ANKRD6: variants seen among roughly 807,000 people sequenced by gnomAD.
ANKRD6 encodes the protein ankyrin repeat domain-containing protein 6.
ANKRD6 carries 56 observed loss-of-function variants against 82.3 expected under a neutral mutation model. That is an observed-to-expected ratio of 0.68 (90% CI 0.55 to 0.85). ANKRD6 has a LOEUF of 0.85. ANKRD6 is among the 40% of genes least tolerant of loss of function. The probability of loss-of-function intolerance (pLI) is 0.00; values close to 1 mark genes in which losing one functional copy is unlikely to be tolerated. For synonymous variants in ANKRD6, 347 were observed against 352.1 expected, an observed-to-expected ratio of 0.99 and a Z score of 0.16; for missense variants, 852 against 907.6, an observed-to-expected ratio of 0.94 and a Z score of 0.79.
chr6:89,514,800 A>T (rs1387797536), intron 1 of ANKRD6, among the ~76,000 whole-genome samples: 1 of 152,230 alleles, frequency 6.6e-6, no homozygotes, highest in East Asian at 1.9e-4. Flanking sequence ...CAGTTATACC[A>T]GTTTACATCC....
rs568039988 is a variant in ANKRD6, at chr6:89,490,656, GC to G, written c.-144+57284del. Among the ~76,000 whole-genome samples, 269 of 152,324 alleles carry G rather than the reference GC, an allele frequency of 1.8e-3. 1 individual carries two copies. Among genetic ancestry groups the G allele is most frequent in the Non-Finnish European group, 3.0e-3 (205 of 68,026 alleles). ...TACCTAATGAGCACCTGCTCCGGAG[GC>G]CCTGCTCTGGAAAAGCAGCAGGCTG... On this transcript the variant is annotated intron_variant, in intron 1 of 15. Coordinates refer to ENST00000339746, the MANE Select transcript of ANKRD6 (RefSeq NM_001242809.2).
chr6:89,594,430 G>A (rs1197321445), intron 2 of ANKRD6, among the ~76,000 whole-genome samples: 1 of 150,854 alleles, frequency 6.6e-6, no homozygotes, highest in Non-Finnish European at 1.5e-5. Flanking sequence ...CTCCAGCCTG[G>A]GCAGCAGAGT....
chr6:89,473,306 G>T (rs1562581206), intron 1 of ANKRD6, among the ~76,000 whole-genome samples: 1 of 151,856 alleles, frequency 6.6e-6, no homozygotes, highest in Non-Finnish European at 1.5e-5. Flanking sequence ...AGCTACTCGG[G>T]AGGCTGAGGC....
At chr6:89,585,593 A>G (rs375414315) in intron 2 of ANKRD6, among the ~76,000 whole-genome samples, 5 of 152,350 alleles carry the variant, frequency 3.3e-5, no homozygotes, top group Admixed American at 1.3e-4. Flanking sequence ...TGGAAACACG[A>G]TTAGAGATGC....
chr6:89,491,071 T>C (rs1777957220), intron 1 of ANKRD6, among the ~76,000 whole-genome samples: 3 of 152,028 alleles, frequency 2.0e-5, no homozygotes, highest in Non-Finnish European at 2.9e-5. Flanking sequence ...AGGAATGTTG[T>C]TGCAGTCATC....
chr6:89,612,282 C>CAG lies in ANKRD6; in HGVS notation c.429_430dup (p.Ala144GlufsTer75). 5 of 1,558,580 alleles carry CAG rather than the reference C, an allele frequency of 3.2e-6. No individual in the cohort carries two copies. The highest frequency in any genetic ancestry group is 4.3e-6 in the Non-Finnish European group (5 of 1,150,746). ...CTGCCTCTCTCCAAGGCGGGGAACACAGCTCTGCACCTGGCCTGCCAGAAC... is the reference window on the plus strand; with the variant it reads ...CTGCCTCTCTCCAAGGCGGGGAACACAGAGCTCTGCACCTGGCCTGCCAGAAC... On this transcript the variant is annotated frameshift_variant, in exon 6 of 16. Coordinates refer to ENST00000339746, the MANE Select transcript of ANKRD6 (RefSeq NM_001242809.2). LOFTEE classifies it high-confidence loss of function.
At chr6:89,584,690 T>C (rs1283125260) in intron 2 of ANKRD6, among the ~76,000 whole-genome samples, 1 of 152,234 alleles carries the variant, frequency 6.6e-6, no homozygotes, top group African/African-American at 2.4e-5. Flanking sequence ...ATTCCAAGTA[T>C]GCAAGACTGG....
In ANKRD6 at chr6:89,462,117, A is replaced by AGCT. The variant is rs558377971; in HGVS notation, c.-144+28743_-144+28745dup. ...CATAGTGGTGCATGCCTGTAATTCC[A>AGCT]GCTACTCAGGGGGCTGAGGCAGGAG... On this transcript the variant is annotated intron_variant, in intron 1 of 15. Transcript: ENST00000339746. Among the ~76,000 whole-genome samples the AGCT allele has an allele frequency of 7.7e-3, 1,177 of 151,978 alleles. 18 individuals carry two copies. The highest frequency in any genetic ancestry group is 0.027 in the African/African-American group (1,101 of 41,460).
intron 2 of ANKRD6, among the ~76,000 whole-genome samples, chr6:89,585,079 A>G (rs539827167): frequency 6.6e-6 from 1 of 152,342 alleles, no homozygotes; most frequent in East Asian, 1.9e-4. Flanking sequence ...AGACACAAAC[A>G]TTTAGTCCAT....
intron 1 of ANKRD6, among the ~76,000 whole-genome samples, chr6:89,531,385 T>TAA (rs1293782163): frequency 6.6e-6 from 1 of 152,266 alleles, no homozygotes; most frequent in East Asian, 1.9e-4. Flanking sequence ...TAGAATGTTT[T>TAA]ATCTCCCATT....
intron 1 of ANKRD6, among the ~76,000 whole-genome samples, chr6:89,521,451 G>A (rs1216519131): frequency 6.6e-6 from 1 of 152,130 alleles, no homozygotes; most frequent in Admixed American, 6.5e-5. Flanking sequence ...GGAGTGAAGG[G>A]GCCAGCTGGC....
chr6:89,541,024 T>C (rs1385782491), intron 1 of ANKRD6, among the ~76,000 whole-genome samples: 1 of 152,256 alleles, frequency 6.6e-6, no homozygotes, highest in African/African-American at 2.4e-5. Flanking sequence ...TTTTGGTTAC[T>C]ATAGCTGTGT....
At chr6:89,496,442 G>A (rs1220910983) in intron 1 of ANKRD6, among the ~76,000 whole-genome samples, 2 of 152,102 alleles carry the variant, frequency 1.3e-5, no homozygotes, top group African/African-American at 4.8e-5. Flanking sequence ...TAGTACCGTC[G>A]GGACCAGGCC....
intron 1 of ANKRD6, among the ~76,000 whole-genome samples, chr6:89,441,620 CTTTTTTTT>C (rs71556522): frequency 1.7e-4 from 14 of 80,470 alleles, no homozygotes; most frequent in South Asian, 4.2e-4. Flanking sequence ...CTTTTCTTTC[CTTTTTTTT>C]TTTTTTTTTT....
At chr6:89,579,589 T>C (rs1283270247) in intron 2 of ANKRD6, among the ~76,000 whole-genome samples, 1 of 151,858 alleles carries the variant, frequency 6.6e-6, no homozygotes, top group Non-Finnish European at 1.5e-5. Context: ...AAATTCCATC[T>C]CTACTGAAAA....
At chr6:89,618,768 ACAATGTTCTGCAGTCTTCATAATTATT>A (rs1802257439) in intron 9 of ANKRD6, among the ~76,000 whole-genome samples, 1 of 152,220 alleles carries the variant, frequency 6.6e-6, no homozygotes, top group Non-Finnish European at 1.5e-5. Context: ...CTATTATAAA[ACAATGTTCTGCAGTCTTCATAATTATT>A]CATTATAATG....
At chr6:89,561,142 G>A (rs1040651864) in intron 1 of ANKRD6, 2 of 152,312 alleles carry the variant, frequency 1.3e-5, no homozygotes, top group South Asian at 2.1e-4. Flanking sequence ...ACATCTGTAA[G>A]CAGCTTTTCT....
chr6:89,585,742 C>G lies in ANKRD6; in HGVS notation c.121-10174C>G, dbSNP rs972541639. Among the ~76,000 whole-genome samples the G allele has an allele frequency of 2.0e-5, 3 of 152,148 alleles. No homozygotes were observed. In the East Asian group the frequency reaches 5.8e-4, roughly 29 times the overall value. On this transcript the variant is annotated intron_variant, in intron 2 of 15. Coordinates refer to ENST00000339746, the MANE Select transcript of ANKRD6 (RefSeq NM_001242809.2). ...TGGCCAATATGGTGAAACCCTGTCT[C>G]TAAAAAAATACAAAAATTAACCGAG... is the stretch of plus-strand genomic sequence containing the variant.
At chr6:89,455,341 C>G (rs1159186099) in intron 1 of ANKRD6, among the ~76,000 whole-genome samples, 1 of 152,012 alleles carries the variant, frequency 6.6e-6, no homozygotes, top group Admixed American at 6.6e-5. Context: ...GGAGCTTTTA[C>G]TCATGGTGGA....
Sources: allele counts gnomAD v4.1 joint callset (sites outside exome capture counted in the v4.1 genomes callset), GRCh38; gene constraint gnomAD v4.1.1; transcripts MANE v1.5; gene names NCBI Gene and HGNC (gene_info 2026-07-23, HGNC 2026-07-21).